NLGN1: variants seen among roughly 807,000 people sequenced by gnomAD.
The protein encoded by NLGN1 is neuroligin-1.
A neutral mutation model predicts 65.5 loss-of-function variants in NLGN1; 12 were observed. The observed-to-expected ratio is 0.18, with a 90% CI of 0.12 to 0.30. The LOEUF (loss-of-function observed/expected upper bound fraction) is 0.30, where lower values mean the gene tolerates loss of function less well. Ranked by LOEUF, NLGN1 falls within the 10% of genes least tolerant of loss-of-function variation. The pLI, the probability that NLGN1 is intolerant of heterozygous loss-of-function variation, is 1.00. For missense variants in NLGN1, 750 were observed against 1,007.1 expected, an observed-to-expected ratio of 0.74 and a Z score of 3.46; for synonymous variants, 350 against 359.5, an observed-to-expected ratio of 0.97 and a Z score of 0.30.
intron 3 of NLGN1, among the ~76,000 whole-genome samples, chr3:173,636,935 C>T (rs1265565591): frequency 6.6e-6 from 1 of 152,044 alleles, no homozygotes; most frequent in Non-Finnish European, 1.5e-5. Context: ...TAAGACAGTG[C>T]TATGCTTAAG....
At chr3:173,481,850 A>T (rs1264801487) in intron 2 of NLGN1, among the ~76,000 whole-genome samples, 2 of 151,948 alleles carry the variant, frequency 1.3e-5, no homozygotes, top group East Asian at 3.9e-4. Context: ...AATTAGCATG[A>T]ATATTTTCAT....
intron 4 of NLGN1, among the ~76,000 whole-genome samples, chr3:173,995,111 T>C (rs181365709): frequency 1.2e-4 from 18 of 152,360 alleles, no homozygotes; most frequent in African/African-American, 3.6e-4. Flanking sequence ...AGGTTTGCAA[T>C]GTTTGCTTGC....
chr3:173,882,798 C>T (rs1733588594), intron 4 of NLGN1, among the ~76,000 whole-genome samples: 1 of 152,188 alleles, frequency 6.6e-6, no homozygotes, highest in African/African-American at 2.4e-5. Context: ...CCTTCAAGAA[C>T]ATTTTATTTG....
chr3:174,222,837 T>TATC (rs1738908751), intron 4 of NLGN1, among the ~76,000 whole-genome samples: 1 of 152,198 alleles, frequency 6.6e-6, no homozygotes. Context: ...TTGCTATCTG[T>TATC]ATCTATTTTA....
At chr3:174,100,980 C>T (rs746753673) in intron 4 of NLGN1, among the ~76,000 whole-genome samples, 2 of 152,064 alleles carry the variant, frequency 1.3e-5, no homozygotes, top group Admixed American at 6.6e-5. Flanking sequence ...GCAGCAAGTA[C>T]GAGGCCAAGA....
At chr3:174,231,168 T>C (rs987234913) in intron 4 of NLGN1, among the ~76,000 whole-genome samples, 6 of 152,200 alleles carry the variant, frequency 3.9e-5, no homozygotes, top group Admixed American at 2.6e-4. Context: ...TTCTCAGTTA[T>C]AATTTTTAGG....
At chr3:173,636,418 C>T (rs1187714639) in intron 3 of NLGN1, among the ~76,000 whole-genome samples, 1 of 152,184 alleles carries the variant, frequency 6.6e-6, no homozygotes, top group Non-Finnish European at 1.5e-5. Context: ...AACCGAGGTC[C>T]ACAAGCTGGG....
chr3:173,839,565 G>A (rs1340735738), intron 4 of NLGN1, among the ~76,000 whole-genome samples: 1 of 152,040 alleles, frequency 6.6e-6, no homozygotes, highest in African/African-American at 2.4e-5. Flanking sequence ...TGGGACTACA[G>A]GCATGCGCCA....
chr3:174,273,371 ATTG>A (rs1478650856), intron 4 of NLGN1, among the ~76,000 whole-genome samples: 1 of 151,594 alleles, frequency 6.6e-6, no homozygotes, highest in Non-Finnish European at 1.5e-5. Flanking sequence ...CTTCCATAAT[ATTG>A]TTTTCAGAGT....
At chr3:174,113,113 C>T (rs1373364030) in intron 4 of NLGN1, among the ~76,000 whole-genome samples, 1 of 151,850 alleles carries the variant, frequency 6.6e-6, no homozygotes, top group African/African-American at 2.4e-5. Context: ...AAAGTAATCC[C>T]ATCACACATC....
At chr3:173,805,492 T>G (rs1342802505) in intron 3 of NLGN1, among the ~76,000 whole-genome samples, 1 of 152,210 alleles carries the variant, frequency 6.6e-6, no homozygotes, top group African/African-American at 2.4e-5. Flanking sequence ...TTGTCATATT[T>G]TCAGTGTTTT....
At chr3:174,063,805 T>G (rs1737905628) in intron 4 of NLGN1, among the ~76,000 whole-genome samples, 1 of 152,116 alleles carries the variant, frequency 6.6e-6, no homozygotes, top group Non-Finnish European at 1.5e-5. Context: ...GCATTAGTCT[T>G]TTAACCTTAG....
rs537703817 is a variant in NLGN1 at position 173,904,417 on chromosome 3, C to T, written c.646+96585C>T. Among the ~76,000 whole-genome samples the T allele has an allele frequency of 2.0e-5, 3 of 152,116 alleles. No individual in the cohort carries two copies. The South Asian group carries it at 6.2e-4, about 32-fold the overall frequency. On this transcript the variant is annotated intron_variant, in intron 4 of 6. Coordinates refer to ENST00000457714, the Ensembl canonical transcript of NLGN1. ...ATCTCTTTGTCCTGGCTTCTCTCTT[C>T]TTAACTTTCACCTCTTTCTATTTTG...
At chr3:173,512,068 G>A (rs1477344010) in intron 2 of NLGN1, among the ~76,000 whole-genome samples, 2 of 152,126 alleles carry the variant, frequency 1.3e-5, no homozygotes, top group East Asian at 1.9e-4. Flanking sequence ...TGAACTCCAG[G>A]CAGGCCCATG....
intron 2 of NLGN1, among the ~76,000 whole-genome samples, chr3:173,534,809 C>T (rs1737172799): frequency 6.6e-6 from 1 of 152,186 alleles, no homozygotes; most frequent in Admixed American, 6.5e-5. Context: ...AAATCAGTTT[C>T]CACATTTCCT....
At chr3:174,182,302 G>C (rs190751304) in intron 4 of NLGN1, among the ~76,000 whole-genome samples, 11 of 152,220 alleles carry the variant, frequency 7.2e-5, no homozygotes, top group Non-Finnish European at 1.6e-4. Context: ...TGGTTGAAAT[G>C]CTTAAAGTAA....
intron 2 of NLGN1, among the ~76,000 whole-genome samples, chr3:173,472,541 C>G (rs1199436829): frequency 6.6e-6 from 1 of 151,276 alleles, no homozygotes; most frequent in Non-Finnish European, 1.5e-5. Flanking sequence ...TTTGAGTTAA[C>G]CTTGAGAAAC....
chr3:173,926,121 A>AT (rs976249556), intron 4 of NLGN1, among the ~76,000 whole-genome samples: 32 of 151,890 alleles, frequency 2.1e-4, no homozygotes, highest in African/African-American at 5.5e-4. Flanking sequence ...AGGTCTAAAG[A>AT]TTTTTTTTAA....
chr3:173,764,145 T>A (rs1437724633), intron 3 of NLGN1, among the ~76,000 whole-genome samples: 1 of 152,118 alleles, frequency 6.6e-6, no homozygotes, highest in Non-Finnish European at 1.5e-5. Flanking sequence ...CTCTGTACAC[T>A]TCATGATGGA....
Sources: allele counts gnomAD v4.1 joint callset (sites outside exome capture counted in the v4.1 genomes callset), GRCh38; gene constraint gnomAD v4.1.1; transcripts MANE v1.5; gene names NCBI Gene and HGNC (gene_info 2026-07-23, HGNC 2026-07-21).